The following HKDC1 variants were observed in gnomAD, a reference collection of about 807,000 sequenced individuals.
HKDC1 encodes the protein hexokinase domain containing 1.
In HKDC1, 66 loss-of-function variants were observed where a neutral mutation model predicts 96.6. That is an observed-to-expected ratio of 0.68 (90% CI 0.56 to 0.84). The LOEUF (loss-of-function observed/expected upper bound fraction) is 0.84, where lower values mean the gene tolerates loss of function less well. HKDC1 is among the 40% of genes least tolerant of loss of function. HKDC1 has a pLI of 0.00. For missense variants in HKDC1, 1,211 were observed against 1,208.1 expected (o/e 1.00, Z -0.04); for synonymous variants, 466 against 473.1 (o/e 0.98, Z 0.20).
rs1163098836 is a variant in HKDC1 at position 69,232,582 on chromosome 10, C to G, written c.227-182C>G. The G allele has an allele frequency of 4.8e-6, 3 of 622,092 alleles. No individual in the cohort carries two copies. In the Admixed American group the frequency reaches 8.6e-5, roughly 18 times the overall value. The allele number at this position is 622,092 out of a possible 1,614,324, so 38.5% of individuals were successfully genotyped here. A position where few individuals can be genotyped will look rare whatever the true frequency, so the allele number is the denominator to read the frequency against. On this transcript the variant is annotated intron_variant, in intron 2 of 17. Coordinates refer to ENST00000354624, the MANE Select transcript of HKDC1 (RefSeq NM_025130.4). ...CAGGCTGACTTAGTTCACATCTCAG[C>G]TCTGCGCCTTACCTCGAGGGCTCTG...
intron 2 of HKDC1, among the ~76,000 whole-genome samples, chr10:69,231,778 T>A (rs16926179): frequency 0.12 from 17,523 of 152,196 alleles, 1,150 homozygotes; most frequent in Middle Eastern, 0.2. Flanking sequence ...GGACATAGAT[T>A]GTGGGATCTA....
In HKDC1 at chr10:69,247,400, G is replaced by A; in HGVS notation, c.1072G>A (p.Asp358Asn). 1 of 1,614,102 alleles carries A rather than the reference G, an allele frequency of 6.2e-7. No homozygotes were observed. The highest frequency in any genetic ancestry group is 8.5e-7 in the Non-Finnish European group (1 of 1,180,006). Residue 358 changes from aspartate to asparagine, a missense_variant, in exon 9 of 18, where the codon GAC becomes AAC. By Grantham distance (23) the Asp-to-Asn change is conservative (BLOSUM62 1). Transcript: ENST00000354624. ...TGCTAATACAAGAGAGATCCTGGTGGACCTGGGTCTGGAACCGTCTGAGGC... is the reference window on the plus strand; with the variant it reads ...TGCTAATACAAGAGAGATCCTGGTGAACCTGGGTCTGGAACCGTCTGAGGC... Reference protein sequence around the residue: ...GLANTREILVDLGLEPSEADC... With the variant: ...GLANTREILVNLGLEPSEADC...
intron 4 of HKDC1, among the ~76,000 whole-genome samples, chr10:69,238,363 ATTTTCTTTTTTT>A (rs1332175906): frequency 4.6e-5 from 1 of 21,566 alleles, no homozygotes; most frequent in African/African-American, 1.4e-4. Flanking sequence ...TACACCAGGT[ATTTTCTTTTTTT>A]TTTTTTTTTT....
intron 16 of HKDC1, among the ~76,000 whole-genome samples, chr10:69,262,996 A>G (rs944227632): frequency 9.2e-5 from 14 of 152,096 alleles, no homozygotes; most frequent in African/African-American, 3.4e-4. Context: ...ATGCCACCAG[A>G]AAGATTTGCT....
intron 10 of HKDC1, 72 bp from the exon 11 acceptor site, chr10:69,250,218 G>A (rs1177004260): frequency 4.5e-6 from 7 of 1,539,462 alleles, no homozygotes; most frequent in African/African-American, 1.4e-5. Flanking sequence ...CTGCTCCGAC[G>A]TCTCCTCTTC....
intron 2 of HKDC1, 54 bp downstream of exon 2, chr10:69,227,423 T>A: frequency 6.2e-7 from 1 of 1,601,098 alleles, no homozygotes; most frequent in South Asian, 1.1e-5. Flanking sequence ...CTGATGGGTG[T>A]CTAAAGTACC....
chr10:69,265,449 C>A, intron 16 of HKDC1, 136 bp from the exon 17 acceptor site: 2 of 729,864 alleles, frequency 2.7e-6, no homozygotes, highest in East Asian at 2.7e-5. Flanking sequence ...GCATTCTGCT[C>A]CAGCCTAGCC....
chr10:69,232,079 G>A (rs1344967108), intron 2 of HKDC1, among the ~76,000 whole-genome samples: 1 of 152,196 alleles, frequency 6.6e-6, no homozygotes, highest in Non-Finnish European at 1.5e-5. Flanking sequence ...CTGACCTCAG[G>A]TGATCTGCCC....
intron 1 of HKDC1, among the ~76,000 whole-genome samples, chr10:69,222,217 G>A (rs540068482): frequency 1.3e-5 from 2 of 152,302 alleles, no homozygotes; most frequent in African/African-American, 2.4e-5. Flanking sequence ...ATGAGACTCC[G>A]TCTCAAAACA....
intron 12 of HKDC1, 92 bp from the exon 13 acceptor site, chr10:69,256,944 C>A: frequency 1.1e-6 from 1 of 948,902 alleles, no homozygotes; most frequent in Non-Finnish European, 1.7e-6. Context: ...GACAAGCAGC[C>A]AGCTATAGTG....
In HKDC1 at chr10:69,258,933, G is replaced by A. The variant is rs771586544; in HGVS notation, c.2190G>A (p.Glu730=). 7 of 1,591,362 alleles carry A rather than the reference G, an allele frequency of 4.4e-6. No homozygotes were observed. Among genetic ancestry groups the A allele is most frequent in the Non-Finnish European group, 6.0e-6 (7 of 1,169,530 alleles). Reference sequence around the variant, plus strand: ...CCCGATACGACACGGAGGTGGATGAGGGGTCCTTGAATCCTGGCAAGCAGA... The same window carrying A: ...CCCGATACGACACGGAGGTGGATGAAGGGTCCTTGAATCCTGGCAAGCAGA... ...IWTRYDTEVD[E]GSLNPGKQRY... The change falls in exon 15 of 18, where the codon GAG becomes GAA. Residue 730 remains glutamate (E), a synonymous_variant. Coordinates refer to ENST00000354624, the MANE Select transcript of HKDC1 (RefSeq NM_025130.4).
In HKDC1 at chr10:69,220,419, A is replaced by G; in HGVS notation, c.-17A>G. 6.3e-7 allele frequency: 1 copy of G among 1,593,478 alleles called. No individual in the cohort carries two copies. Among genetic ancestry groups the G allele is most frequent in the Non-Finnish European group, 8.5e-7 (1 of 1,170,700 alleles). On this transcript the variant is annotated 5_prime_UTR_variant, in exon 1 of 18. Transcript: ENST00000354624. ...AGGAATCTCTGCCCATCTCAGGAGA[A>G]ACCAAACTTGGGGAAAATGTTTGCG...
chr10:69,267,466 G>A lies in HKDC1; in HGVS notation c.*709G>A, dbSNP rs1380822364. 2 of 455,860 alleles carry A rather than the reference G, an allele frequency of 4.4e-6. No homozygotes were observed. The highest frequency in any genetic ancestry group is 6.9e-5 in the East Asian group (1 of 14,398). The allele number at this position is 455,860 out of a possible 1,614,324, so 28.2% of individuals were successfully genotyped here. A position where few individuals can be genotyped will look rare whatever the true frequency, so the allele number is the denominator to read the frequency against. On this transcript the variant is annotated 3_prime_UTR_variant, in exon 18 of 18. Coordinates refer to ENST00000354624, the MANE Select transcript of HKDC1 (RefSeq NM_025130.4). ...CTGTTTTTCATTTTGCCTGTGGTTT[G>A]TGTTGCAGGTGTTGATAGTTGTTTT...
chr10:69,223,542 G>A (rs930226243), intron 1 of HKDC1, among the ~76,000 whole-genome samples: 25 of 148,562 alleles, frequency 1.7e-4, no homozygotes, highest in African/African-American at 6.0e-4. Context: ...GGATACTTTC[G>A]AATATCCAGA....
At chr10:69,237,025 G>A (rs1342960993) in intron 4 of HKDC1, among the ~76,000 whole-genome samples, 2 of 152,096 alleles carry the variant, frequency 1.3e-5, no homozygotes, top group Non-Finnish European at 2.9e-5. Context: ...ACTAGAATAA[G>A]GGCTCCTGGG....
intron 4 of HKDC1, among the ~76,000 whole-genome samples, chr10:69,237,598 A>G (rs981406825): frequency 4.6e-5 from 7 of 152,190 alleles, no homozygotes. Context: ...TTTTTAATTT[A>G]ACATTCTATC....
intron 6 of HKDC1, among the ~76,000 whole-genome samples, chr10:69,242,429 GAAAAAA>G (rs5785904): frequency 1.7e-5 from 2 of 115,360 alleles, no homozygotes; most frequent in African/African-American, 3.2e-5. Context: ...AGATACTGAA[GAAAAAA>G]AAAAAAAAAA....
At chr10:69,257,933 G>T (rs571900175) in intron 14 of HKDC1, among the ~76,000 whole-genome samples, 1 of 152,284 alleles carries the variant, frequency 6.6e-6, no homozygotes, top group South Asian at 2.1e-4. Flanking sequence ...ATTCTAGGGG[G>T]ATGTTCTCTC....
chr10:69,260,635 G>C (rs1010220035), intron 15 of HKDC1, among the ~76,000 whole-genome samples: 1 of 152,190 alleles, frequency 6.6e-6, no homozygotes, highest in African/African-American at 2.4e-5. Flanking sequence ...CTGTGTCACT[G>C]TTGTTAATGA....
Sources: gnomAD v4.1 joint callset for allele counts (sites outside exome capture counted in the v4.1 genomes callset) on GRCh38, gnomAD v4.1.1 for gene constraint, MANE v1.5 for transcripts, NCBI Gene and HGNC (gene_info 2026-07-23, HGNC 2026-07-21) for gene names.